MEX3C: variants seen among roughly 807,000 people sequenced by gnomAD.
MEX3C encodes RNA-binding E3 ubiquitin-protein ligase MEX3C.
In MEX3C, 15 loss-of-function variants were observed where a neutral mutation model predicts 35.5. The observed-to-expected ratio is 0.42, with a 90% confidence interval of 0.28 to 0.65. The LOEUF (loss-of-function observed/expected upper bound fraction) is 0.65, where lower values mean the gene tolerates loss of function less well. MEX3C is among the 30% of genes least tolerant of loss of function. MEX3C has a pLI of 0.20. For synonymous variants in MEX3C, 390 were observed against 352.8 expected (o/e 1.11, Z -1.18); for missense variants, 711 against 842.8 (o/e 0.84, Z 1.94).
At chr18:51,193,623 A>G (rs1193412735) in intron 1 of MEX3C, 1 of 152,240 alleles carries the variant, frequency 6.6e-6, no homozygotes, top group Non-Finnish European at 1.5e-5. Flanking sequence ...TTCTTTGATT[A>G]TATCAACAAG....
In MEX3C at chr18:51,177,666, T is replaced by C. The variant is rs1387655578; in HGVS notation, c.755-90A>G. ...CACAGAATGCACCTTTTAAGCTAAA[T>C]ATCTGGTTATGGGTTAAGTTTTAGA... On this transcript the variant is annotated intron_variant, in intron 1 of 1. Coordinates refer to ENST00000406189, the MANE Select transcript of MEX3C (RefSeq NM_016626.5). This position sits in a 1 kb window ranked among gnomAD's most constrained non-coding sequence, Gnocchi z 4.2. The C allele has an allele frequency of 1.4e-6, 2 of 1,385,172 alleles. No homozygotes were observed. Among genetic ancestry groups the C allele is most frequent in the East Asian group, 4.6e-5 (2 of 43,110 alleles). The allele number at this position is 1,385,172 out of a possible 1,614,324, so 85.8% of individuals were successfully genotyped here. A position where few individuals can be genotyped will look rare whatever the true frequency, so the allele number is the denominator to read the frequency against.
chr18:51,190,238 C>A (rs1441842488), intron 1 of MEX3C, among the ~76,000 whole-genome samples: 1 of 152,118 alleles, frequency 6.6e-6, no homozygotes, highest in Admixed American at 6.5e-5. Context: ...AACTCCAAGT[C>A]CAATGTCCTT....
In MEX3C at chr18:51,177,678, G is replaced by A; in HGVS notation, c.755-102C>T. 7.5e-7 allele frequency: 1 copy of A among 1,337,188 alleles called. No individual in the cohort carries two copies. Among genetic ancestry groups the A allele is most frequent in the Non-Finnish European group, 1.0e-6 (1 of 992,402 alleles). The allele number at this position is 1,337,188 out of a possible 1,614,324, so 82.8% of individuals were successfully genotyped here. On this transcript the variant is annotated intron_variant, in intron 1 of 1. Coordinates refer to ENST00000406189, the MANE Select transcript of MEX3C (RefSeq NM_016626.5). The surrounding 1 kb of genome is among the most constrained non-coding windows in gnomAD (Gnocchi z 4.2). ...CTTTTAAGCTAAATATCTGGTTATGGGTTAAGTTTTAGAGTTTTTCACATA... is the reference window on the plus strand; with the variant it reads ...CTTTTAAGCTAAATATCTGGTTATGAGTTAAGTTTTAGAGTTTTTCACATA...
At chr18:51,188,988 G>A (rs1382086261) in intron 1 of MEX3C, among the ~76,000 whole-genome samples, 1 of 152,144 alleles carries the variant, frequency 6.6e-6, no homozygotes, top group African/African-American at 2.4e-5. Context: ...AGATAGGCAC[G>A]TTGAAGTCTC....
chr18:51,184,319 CT>C (rs1372704775), intron 1 of MEX3C, among the ~76,000 whole-genome samples: 1 of 152,170 alleles, frequency 6.6e-6, no homozygotes, highest in Non-Finnish European at 1.5e-5. Flanking sequence ...CAGTGAGACC[CT>C]GAACAGACAC....
intron 1 of MEX3C, among the ~76,000 whole-genome samples, chr18:51,182,786 GT>G (rs888849344): frequency 6.6e-6 from 1 of 152,184 alleles, no homozygotes; most frequent in Non-Finnish European, 1.5e-5. Context: ...AATCTTCAGT[GT>G]TTTTCAAACC....
intron 1 of MEX3C, among the ~76,000 whole-genome samples, chr18:51,183,122 C>G (rs1912464993): frequency 6.6e-6 from 1 of 152,178 alleles, no homozygotes; most frequent in South Asian, 2.1e-4. Flanking sequence ...TACTATAGTT[C>G]TGCTCTATGG....
chr18:51,189,505 G>A (rs1261058596), intron 1 of MEX3C, among the ~76,000 whole-genome samples: 1 of 152,124 alleles, frequency 6.6e-6, no homozygotes, highest in African/African-American at 2.4e-5. Flanking sequence ...TTCCCTGCAT[G>A]TACAAGGTAT....
In MEX3C at chr18:51,197,110, G is replaced by T; in HGVS notation, c.211C>A (p.Arg71=). Residue 71 remains arginine (R), a synonymous_variant, in exon 1 of 2, where the codon CGG becomes AGG. Transcript: ENST00000406189. The part of the protein sequence containing the change: ...SPAEPGAPAL[R]APAAAAQGQA... ...CCCTGCGCCGCCGCTGCCGGGGCCC[G>T]AAGCGCCGGGGCGCCGGGCTCCGCC... The T allele has an allele frequency of 8.7e-7, 1 of 1,148,640 alleles. No homozygotes were observed. The highest frequency in any genetic ancestry group is 1.1e-6 in the Non-Finnish European group (1 of 938,250). The allele number at this position is 1,148,640 out of a possible 1,614,324, so 71.2% of individuals were successfully genotyped here.
chr18:51,184,264 C>A (rs1290085297), intron 1 of MEX3C, among the ~76,000 whole-genome samples: 2 of 152,146 alleles, frequency 1.3e-5, no homozygotes, highest in African/African-American at 4.8e-5. Context: ...AGGACATGAG[C>A]CGCAGATAAG....
At chr18:51,191,354 G>A (rs973900376) in intron 1 of MEX3C, among the ~76,000 whole-genome samples, 3 of 152,088 alleles carry the variant, frequency 2.0e-5, no homozygotes, top group Non-Finnish European at 2.9e-5. Flanking sequence ...TTCATCTTCT[G>A]GCACAACAGA....
intron 1 of MEX3C, among the ~76,000 whole-genome samples, chr18:51,178,374 CTTTT>C (rs80087001): frequency 1.1e-4 from 16 of 145,012 alleles, no homozygotes; most frequent in Admixed American, 8.3e-4. Context: ...CTTTAACCAA[CTTTT>C]TTTTTTTTTT....
chr18:51,186,208 T>C (rs1341404325), intron 1 of MEX3C, among the ~76,000 whole-genome samples: 1 of 152,168 alleles, frequency 6.6e-6, no homozygotes, highest in East Asian at 1.9e-4. Flanking sequence ...TGAACCAGCA[T>C]CATTTCTGCT....
intron 1 of MEX3C, chr18:51,196,266 G>A (rs2144561983): frequency 1.4e-5 from 7 of 515,948 alleles, no homozygotes; most frequent in Middle Eastern, 5.3e-4. Context: ...ACCTCACTGA[G>A]GTTTCTGGTG....
Position 51,197,510 on chromosome 18 carries a change from G to C in MEX3C, c.-190C>G, listed in dbSNP as rs1363265121. ...GAGACCGGAGAGGGCGGGGTGGAGG[G>C]GCAGGGGAAGGAGGCAGAGGTAGGT... On this transcript the variant is annotated 5_prime_UTR_variant, in exon 1 of 2. Coordinates refer to ENST00000406189, the MANE Select transcript of MEX3C (RefSeq NM_016626.5). Among the ~76,000 whole-genome samples, 1 of 149,672 alleles carries C rather than the reference G, an allele frequency of 6.7e-6. No individual in the cohort carries two copies. The highest frequency in any genetic ancestry group is 6.6e-5 in the Admixed American group (1 of 15,124).
At chr18:51,178,677 T>C (rs1035586876) in intron 1 of MEX3C, among the ~76,000 whole-genome samples, 5 of 151,968 alleles carry the variant, frequency 3.3e-5, no homozygotes, top group South Asian at 2.1e-4. Flanking sequence ...ATGGTGAACA[T>C]GGTGAAACCC....
intron 1 of MEX3C, among the ~76,000 whole-genome samples, chr18:51,184,681 AC>A (rs1912498392): frequency 6.6e-6 from 1 of 151,928 alleles, no homozygotes; most frequent in Non-Finnish European, 1.5e-5. Context: ...ACATGGCAAA[AC>A]CCCATCTCTA....
In MEX3C at chr18:51,197,063, C is replaced by T; in HGVS notation, c.258G>A (p.Glu86=). The T allele has an allele frequency of 7.1e-7, 1 of 1,408,254 alleles. No homozygotes were observed. Among genetic ancestry groups the T allele is most frequent in the Non-Finnish European group, 9.2e-7 (1 of 1,087,398 alleles). The allele number at this position is 1,408,254 out of a possible 1,614,324, so 87.2% of individuals were successfully genotyped here. The stretch of plus-strand genomic sequence containing the variant: ...GCGGAGCCCGCTCCTCTGGAGACAG[C>T]TCCGCCGCCCGCCGGGCCTGGCCCT... The part of the protein sequence containing the change: ...AAQGQARRAA[E]LSPEERAPPG... Residue 86 remains glutamate (E), a synonymous_variant, in exon 1 of 2, where the codon GAG becomes GAA. Transcript: ENST00000406189.
intron 1 of MEX3C, chr18:51,195,885 T>A (rs1033868784): frequency 1.3e-5 from 2 of 152,304 alleles, no homozygotes; most frequent in Non-Finnish European, 2.9e-5. Flanking sequence ...TAGTGTCCAT[T>A]TTTTCTTCAT....
Sources: gnomAD v4.1 joint callset for allele counts (sites outside exome capture counted in the v4.1 genomes callset) on GRCh38, gnomAD v4.1.1 for gene constraint, Gnocchi (gnomAD v3.1) non-coding constraint, MANE v1.5 for transcripts, NCBI Gene and HGNC (gene_info 2026-07-23, HGNC 2026-07-21) for gene names.